The following MYPOP variants were observed in gnomAD, a reference collection of about 807,000 sequenced individuals.
The protein encoded by MYPOP is myb-related transcription factor, partner of profilin.
In MYPOP, 21 loss-of-function variants were observed where a neutral mutation model predicts 25.7. The observed-to-expected ratio is 0.82, with a 90% CI of 0.58 to 1.18. MYPOP has a LOEUF of 1.18. MYPOP is among the 50% of genes most tolerant of loss of function. The probability of loss-of-function intolerance (pLI) is 0.00; values close to 1 mark genes in which losing one functional copy is unlikely to be tolerated. For synonymous variants in MYPOP, 280 were observed against 247.9 expected (o/e 1.13, Z -1.22); for missense variants, 566 against 588.3 (o/e 0.96, Z 0.39).
In MYPOP at chr19:45,890,797, A is replaced by G; in HGVS notation, c.1026T>C (p.Ala342=). 1 of 1,478,624 alleles carries G rather than the reference A, an allele frequency of 6.8e-7. No individual in the cohort carries two copies. Among genetic ancestry groups the G allele is most frequent in the Non-Finnish European group, 9.0e-7 (1 of 1,110,044 alleles). The allele number at this position is 1,478,624 out of a possible 1,614,324, so 91.6% of individuals were successfully genotyped here. A position where few individuals can be genotyped will look rare whatever the true frequency, so the allele number is the denominator to read the frequency against. The change falls in exon 3 of 3, where the codon GCT becomes GCC. Residue 342 remains alanine, a synonymous_variant. Transcript: ENST00000322217. The stretch of plus-strand genomic sequence containing the variant: ...CCACCACTGCCCCGTCCACCACAGC[A>G]GCCACCACGGACACGGGCTCTGGGG... ...EITPEPVSVV[A]AVVDGAVVAA...
chr19:45,900,506 C>T (rs1287076339), intron 2 of MYPOP, among the ~76,000 whole-genome samples: 1 of 138,302 alleles, frequency 7.2e-6, no homozygotes, highest in Admixed American at 7.8e-5. Flanking sequence ...CCCTGGGATC[C>T]CCTACCCCAG....
At chr19:45,898,468 C>T (rs1967239472) in intron 2 of MYPOP, among the ~76,000 whole-genome samples, 1 of 151,848 alleles carries the variant, frequency 6.6e-6, no homozygotes, top group South Asian at 2.1e-4. Flanking sequence ...GGATTACAGG[C>T]ATGCGCCACC....
chr19:45,902,136 A>T (rs1325016661), intron 1 of MYPOP, among the ~76,000 whole-genome samples: 1 of 134,818 alleles, frequency 7.4e-6, no homozygotes. Flanking sequence ...GGAGTTAGAG[A>T]ATGGGGGCAC....
At position 45,901,811 on chromosome 19, in the gene MYPOP, TG is replaced by T. The variant is rs1365553170; in HGVS notation, c.-39del. On this transcript the variant is annotated 5_prime_UTR_variant, in exon 2 of 3. Coordinates refer to ENST00000322217, the MANE Select transcript of MYPOP (RefSeq NM_001012643.4). The surrounding 1 kb of genome is among the most constrained non-coding windows in gnomAD (Gnocchi z 5.7). ...CGCCGCCGTCCTGCCGTCTGGCGCA[TG>T]GGGGGCGCCGGCGCTGCGGGCAAAG... 9 of 1,331,030 alleles carry T rather than the reference TG, an allele frequency of 6.8e-6. No homozygotes were observed. Among genetic ancestry groups the T allele is most frequent in the Non-Finnish European group, 6.7e-6 (7 of 1,042,422 alleles). 82.5% of individuals were successfully genotyped at this position (1,331,030 alleles called of 1,614,324 possible). A position where few individuals can be genotyped will look rare whatever the true frequency, so the allele number is the denominator to read the frequency against.
intron 2 of MYPOP, among the ~76,000 whole-genome samples, chr19:45,896,239 C>T (rs1312857896): frequency 6.6e-6 from 1 of 152,176 alleles, no homozygotes; most frequent in Non-Finnish European, 1.5e-5. Context: ...TGCAGTGACC[C>T]AAGATCACAC....
At position 45,895,081 on chromosome 19, in the gene MYPOP, G is replaced by C. The variant is rs374691668; in HGVS notation, c.500-3758C>G. Among the ~76,000 whole-genome samples, 10 of 152,214 alleles carry C rather than the reference G, an allele frequency of 6.6e-5. No homozygotes were observed. In the East Asian group the frequency reaches 1.2e-3, roughly 18 times the overall value. On this transcript the variant is annotated intron_variant, in intron 2 of 2. Transcript: ENST00000322217. ...ATTGTTTCTATGCTCAAACCGTCCTGTGGCTCTCACCTCACTCAGGGTAAA... is the reference window on the plus strand; with the variant it reads ...ATTGTTTCTATGCTCAAACCGTCCTCTGGCTCTCACCTCACTCAGGGTAAA...
In MYPOP at chr19:45,901,150, G is replaced by T; in HGVS notation, c.499+125C>A. On this transcript the variant is annotated intron_variant, in intron 2 of 2. Coordinates refer to ENST00000322217, the MANE Select transcript of MYPOP (RefSeq NM_001012643.4). This position sits in a 1 kb window ranked among gnomAD's most constrained non-coding sequence, Gnocchi z 5.7. ...AGTCATTTCATTTTTCTGAGCTTCA[G>T]TTTCCCTAGCTATAAAATGGGGCGA... is the stretch of plus-strand genomic sequence containing the variant. The T allele has an allele frequency of 1.1e-6, 1 of 941,636 alleles. No individual in the cohort carries two copies. Among genetic ancestry groups the T allele is most frequent in the Non-Finnish European group, 1.4e-6 (1 of 696,194 alleles). The allele number at this position is 941,636 out of a possible 1,614,324, so 58.3% of individuals were successfully genotyped here. A position where few individuals can be genotyped will look rare whatever the true frequency, so the allele number is the denominator to read the frequency against.
intron 2 of MYPOP, among the ~76,000 whole-genome samples, chr19:45,899,817 G>A (rs1967261003): frequency 6.6e-6 from 1 of 152,062 alleles, no homozygotes; most frequent in Admixed American, 6.6e-5. Flanking sequence ...CTCCAGCCTG[G>A]GCAACAGAGC....
At chr19:45,899,842 A>C (rs1291077660) in intron 2 of MYPOP, among the ~76,000 whole-genome samples, 11 of 152,204 alleles carry the variant, frequency 7.2e-5, no homozygotes, top group Middle Eastern at 3.2e-3. Context: ...CTCCGTCTCA[A>C]AACAAAAAAC....
Position 45,901,784 on chromosome 19 carries a change from G to C in MYPOP, c.-11C>G. ...CGCCGCCGAGGCCATGGCGCCCCCC[G>C]ACGCCGCCGTCCTGCCGTCTGGCGC... On this transcript the variant is annotated 5_prime_UTR_variant, in exon 2 of 3. Transcript: ENST00000322217. The surrounding 1 kb of genome is among the most constrained non-coding windows in gnomAD (Gnocchi z 5.7). 7.0e-7 allele frequency: 1 copy of C among 1,424,458 alleles called. No individual in the cohort carries two copies. Among genetic ancestry groups the C allele is most frequent in the Non-Finnish European group, 9.2e-7 (1 of 1,092,732 alleles). The allele number at this position is 1,424,458 out of a possible 1,614,324, so 88.2% of individuals were successfully genotyped here.
chr19:45,902,161 T>G (rs1180575297), intron 1 of MYPOP, among the ~76,000 whole-genome samples: 1 of 93,540 alleles, frequency 1.1e-5, no homozygotes, highest in Non-Finnish European at 2.0e-5. Context: ...GGATAGGAAA[T>G]GGAGGGAGGA....
At chr19:45,891,366 T>C (rs1418496837) in intron 2 of MYPOP, 43 bp from the exon 3 acceptor site, 1 of 1,423,362 alleles carries the variant, frequency 7.0e-7, no homozygotes, top group Non-Finnish European at 9.2e-7. Flanking sequence ...CGACCCTCGA[T>C]GCTGCCTTGA....
chr19:45,901,697 T>C lies in MYPOP; in HGVS notation c.77A>G (p.Gln26Arg). 1 of 1,601,998 alleles carries C rather than the reference T, an allele frequency of 6.2e-7. No individual in the cohort carries two copies. ...GGCGCGCACCTCGCGGATCAGGATC[T>C]GGTTCTCTTCGAATGAGAAGCGCGG... is the stretch of plus-strand genomic sequence containing the variant. ...RKPRFSFEEN[Q>R]ILIREVRAHY... The change falls in exon 2 of 3, where the codon CAG becomes CGG. Residue 26 changes from glutamine to arginine, a missense_variant. By Grantham distance (43) the Gln-to-Arg change is conservative (BLOSUM62 1). Coordinates refer to ENST00000322217, the MANE Select transcript of MYPOP (RefSeq NM_001012643.4). The surrounding 1 kb of genome is among the most constrained non-coding windows in gnomAD (Gnocchi z 5.7).
chr19:45,892,439 C>T (rs1406261757), intron 2 of MYPOP, among the ~76,000 whole-genome samples: 1 of 152,144 alleles, frequency 6.6e-6, no homozygotes, highest in South Asian at 2.1e-4. Context: ...CTCATTCATG[C>T]TCATGGGCTT....
intron 2 of MYPOP, among the ~76,000 whole-genome samples, chr19:45,893,404 A>C (rs546449197): frequency 6.6e-6 from 1 of 151,336 alleles, no homozygotes; most frequent in East Asian, 2.0e-4. Context: ...TCCTGTCTCT[A>C]CGAAAAATAC....
At chr19:45,895,620 G>A (rs2146378306) in intron 2 of MYPOP, among the ~76,000 whole-genome samples, 1 of 152,102 alleles carries the variant, frequency 6.6e-6, no homozygotes, top group South Asian at 2.1e-4. Context: ...GCTCCCTTCT[G>A]TTTACCCGGC....
At chr19:45,896,650 G>T (rs560209176) in intron 2 of MYPOP, among the ~76,000 whole-genome samples, 26 of 142,858 alleles carry the variant, frequency 1.8e-4, no homozygotes, top group Middle Eastern at 3.7e-3. Context: ...ACGGAGTCTC[G>T]CTCTGTCGCC....
At position 45,890,820 on chromosome 19, in the gene MYPOP, G is replaced by A; in HGVS notation, c.1003C>T (p.Pro335Ser). 6.8e-7 allele frequency: 1 copy of A among 1,465,224 alleles called. No homozygotes were observed. Among genetic ancestry groups the A allele is most frequent in the Non-Finnish European group, 9.0e-7 (1 of 1,105,756 alleles). 90.8% of individuals were successfully genotyped at this position (1,465,224 alleles called of 1,614,324 possible). The change falls in exon 3 of 3, where the codon CCA (proline) becomes TCA (serine). Residue 335 changes from proline (P) to serine (S), a missense_variant. Coordinates refer to ENST00000322217, the MANE Select transcript of MYPOP (RefSeq NM_001012643.4). ...GCAGCCACCACGGACACGGGCTCTG[G>A]GGTGATCTCCACCTTGGGGGCCGGT... ...PPPAPKVEIT[P>S]EPVSVVAAVV... is the part of the protein sequence containing the mutation.
intron 2 of MYPOP, among the ~76,000 whole-genome samples, chr19:45,894,496 C>T (rs1967173995): frequency 6.6e-6 from 1 of 151,350 alleles, no homozygotes; most frequent in African/African-American, 2.4e-5. Flanking sequence ...TCACTGCATC[C>T]TTAATCTCCC....
Sources: allele counts gnomAD v4.1 joint callset (sites outside exome capture counted in the v4.1 genomes callset), GRCh38; gene constraint gnomAD v4.1.1; non-coding constraint Gnocchi (gnomAD v3.1); transcripts MANE v1.5; gene names NCBI Gene and HGNC (gene_info 2026-07-23, HGNC 2026-07-21).